Variants in RBMS1 observed in about 807,000 individuals in gnomAD.
The protein encoded by RBMS1 is RNA binding motif single stranded interacting protein 1, also known as RNA-binding motif, single-stranded-interacting protein 1.
A neutral mutation model predicts 62.3 loss-of-function variants in RBMS1; 17 were observed. The ratio of observed to expected loss-of-function variants is 0.27; its 90% CI spans 0.19 to 0.41. The LOEUF is 0.41. Among genes scored for constraint, RBMS1 ranks in the 10% least tolerant of loss-of-function variants. RBMS1 has a pLI of 1.00. For missense variants in RBMS1, 334 were observed against 504.5 expected, an observed-to-expected ratio of 0.66 and a Z score of 3.24; for synonymous variants, 172 against 170.0, an observed-to-expected ratio of 1.01 and a Z score of -0.09.
At chr2:160,287,742 A>G (rs1480646833) in intron 6 of RBMS1, among the ~76,000 whole-genome samples, 1 of 152,166 alleles carries the variant, frequency 6.6e-6, no homozygotes, top group Non-Finnish European at 1.5e-5. Flanking sequence ...ATGAATAGAA[A>G]TAGGTCTCAT....
intron 1 of RBMS1, among the ~76,000 whole-genome samples, chr2:160,417,402 G>A (rs1484157206): frequency 6.6e-6 from 1 of 152,184 alleles, no homozygotes; most frequent in East Asian, 1.9e-4. Flanking sequence ...TTCAGTAAAT[G>A]AGATTCTATG....
chr2:160,380,292 G>A (rs912030092), intron 1 of RBMS1, among the ~76,000 whole-genome samples: 1 of 152,028 alleles, frequency 6.6e-6, no homozygotes, highest in Admixed American at 6.6e-5. Context: ...CTAAGCCAAA[G>A]CCACCAGTGG....
At chr2:160,322,794 T>C (rs978959575) in intron 2 of RBMS1, among the ~76,000 whole-genome samples, 2 of 152,232 alleles carry the variant, frequency 1.3e-5, no homozygotes, top group Non-Finnish European at 2.9e-5. Context: ...CGTCAGGCCC[T>C]AGCTAAGTTA....
intron 6 of RBMS1, among the ~76,000 whole-genome samples, chr2:160,299,850 T>C (rs1397222601): frequency 6.6e-6 from 1 of 152,174 alleles, no homozygotes; most frequent in Admixed American, 6.5e-5. Flanking sequence ...GTAAGGAAGC[T>C]GAGTGAGGAC....
chr2:160,299,337 G>T (rs1030891294), intron 6 of RBMS1, among the ~76,000 whole-genome samples: 3 of 152,184 alleles, frequency 2.0e-5, no homozygotes, highest in African/African-American at 7.2e-5. Context: ...TTGGCATGAA[G>T]TAATTCATAG....
At chr2:160,397,609 C>G (rs1352135780) in intron 1 of RBMS1, among the ~76,000 whole-genome samples, 1 of 152,112 alleles carries the variant, frequency 6.6e-6, no homozygotes, top group African/African-American at 2.4e-5. Flanking sequence ...TTCCTAAAGA[C>G]ACACCCTCTT....
intron 6 of RBMS1, among the ~76,000 whole-genome samples, chr2:160,290,877 TG>T (rs1381863740): frequency 2.0e-5 from 3 of 152,226 alleles, no homozygotes; most frequent in African/African-American, 7.2e-5. Context: ...AGCTTGATTT[TG>T]TGGTACTGAC....
At chr2:160,436,776 A>G (rs746300031) in intron 1 of RBMS1, among the ~76,000 whole-genome samples, 2 of 152,208 alleles carry the variant, frequency 1.3e-5, no homozygotes, top group Admixed American at 6.5e-5. Context: ...CCACCCAGAC[A>G]GAAAGCTCAT....
At chr2:160,392,064 T>C (rs1694893182) in intron 1 of RBMS1, among the ~76,000 whole-genome samples, 1 of 152,158 alleles carries the variant, frequency 6.6e-6, no homozygotes, top group South Asian at 2.1e-4. Context: ...AAAAGAACTA[T>C]CTAGTCAAGA....
At chr2:160,358,626 A>T (rs1195311676) in intron 2 of RBMS1, among the ~76,000 whole-genome samples, 1 of 152,190 alleles carries the variant, frequency 6.6e-6, no homozygotes, top group Non-Finnish European at 1.5e-5. Context: ...TTTATAAAAC[A>T]AAATTTGTAA....
chr2:160,401,430 C>A (rs1211612877), intron 1 of RBMS1, among the ~76,000 whole-genome samples: 1 of 152,100 alleles, frequency 6.6e-6, no homozygotes, highest in African/African-American at 2.4e-5. Flanking sequence ...ATTCTTTCAC[C>A]TTATCCTAAT....
chr2:160,326,718 C>T (rs1323419472), intron 2 of RBMS1, among the ~76,000 whole-genome samples: 1 of 152,142 alleles, frequency 6.6e-6, no homozygotes, highest in African/African-American at 2.4e-5. Flanking sequence ...TTGGCAATAA[C>T]ACTTAAGTTC....
At chr2:160,346,354 G>A (rs896180647) in intron 2 of RBMS1, among the ~76,000 whole-genome samples, 1 of 152,164 alleles carries the variant, frequency 6.6e-6, no homozygotes, top group Non-Finnish European at 1.5e-5. Flanking sequence ...GGGCCCTGGG[G>A]CAGCCTGGGC....
At chr2:160,374,150 G>T (rs1178806003) in intron 1 of RBMS1, among the ~76,000 whole-genome samples, 1 of 152,112 alleles carries the variant, frequency 6.6e-6, no homozygotes, top group Admixed American at 6.5e-5. Context: ...CCCAGCTACT[G>T]AAAAGGCTGA....
At chr2:160,416,995 TC>T (rs751175291) in intron 1 of RBMS1, among the ~76,000 whole-genome samples, 2 of 152,220 alleles carry the variant, frequency 1.3e-5, no homozygotes, top group Non-Finnish European at 2.9e-5. Context: ...GAGAGCTAAG[TC>T]ATCTTTTCTT....
chr2:160,477,161 T>C (rs1685177393), intron 1 of RBMS1, among the ~76,000 whole-genome samples: 1 of 152,154 alleles, frequency 6.6e-6, no homozygotes, highest in Non-Finnish European at 1.5e-5. Context: ...ACAGGCGGCC[T>C]AAGAGTGACA....
At chr2:160,304,918 G>A (rs113735226) in intron 4 of RBMS1, among the ~76,000 whole-genome samples, 11,232 of 152,084 alleles carry the variant, frequency 0.074, 610 homozygotes, top group South Asian at 0.19. Flanking sequence ...GCAGTGGCGC[G>A]ATCTCAGCTC....
chr2:160,324,564 A>G (rs1290361769), intron 2 of RBMS1, among the ~76,000 whole-genome samples: 1 of 152,100 alleles, frequency 6.6e-6, no homozygotes, highest in Non-Finnish European at 1.5e-5. Context: ...TAAACAAAAA[A>G]GATACTTTAA....
At chr2:160,362,358 A>G (rs775816447) in intron 2 of RBMS1, among the ~76,000 whole-genome samples, 2 of 152,126 alleles carry the variant, frequency 1.3e-5, no homozygotes, top group Non-Finnish European at 2.9e-5. Context: ...CTTTCTCACT[A>G]AGCTTAATTT....
Sources: allele counts gnomAD v4.1 joint callset (sites outside exome capture counted in the v4.1 genomes callset), GRCh38; gene constraint gnomAD v4.1.1; transcripts MANE v1.5; gene names NCBI Gene and HGNC (gene_info 2026-07-23, HGNC 2026-07-21).